Variants in KIAA1210 observed in about 807,000 individuals in gnomAD.
KIAA1210 encodes KIAA1210, also known as acrosomal protein KIAA1210.
In KIAA1210, 48 loss-of-function variants were observed where a neutral mutation model predicts 78.9. That is an observed-to-expected ratio of 0.61 (90% CI 0.48 to 0.77). The LOEUF (loss-of-function observed/expected upper bound fraction) is 0.77, where lower values mean the gene tolerates loss of function less well. KIAA1210 is among the 30% of genes least tolerant of loss of function. The pLI is 0.00. For synonymous variants in KIAA1210, 406 were observed against 404.5 expected (o/e 1.00, Z -0.04); for missense variants, 1,108 against 1,100.0 (o/e 1.01, Z -0.10).
At chrX:119,135,197 T>C (rs1928883998) in intron 2 of KIAA1210, among the ~76,000 whole-genome samples, 1 of 111,808 alleles carries the variant, frequency 8.9e-6, no homozygotes, top group Admixed American at 9.5e-5. Flanking sequence ...CTCTTCTCCT[T>C]CCTCACTTGG....
intron 5 of KIAA1210, 136 bp downstream of exon 5, chrX:119,108,201 G>A (rs1192651365): frequency 1.8e-6 from 1 of 542,016 alleles, no homozygotes; most frequent in Non-Finnish European, 3.0e-6. Context: ...CACTGTAGAT[G>A]AGGAAAAGAA....
rs749744368 is a variant in KIAA1210, at chrX:119,087,140, G to C, written c.3562C>G (p.His1188Asp). The change falls in exon 9 of 12, where the codon CAC becomes GAC. Residue 1188 changes from histidine to aspartate, a missense_variant. Around this residue, in one of 5 missense-constraint regions of KIAA1210, gnomAD observed 245 missense variants for 278.8 expected, o/e 0.88. Coordinates refer to ENST00000691062, the MANE Select transcript of KIAA1210 (RefSeq NM_001394962.1). ...TGGAAAGGACTACTTGAAGGCAGGTGCTTCTCACCGCTGCTCTGCTTTACA... is the reference window on the plus strand; with the variant it reads ...TGGAAAGGACTACTTGAAGGCAGGTCCTTCTCACCGCTGCTCTGCTTTACA... ...VPVKQSSGEKHLPSSSPFQQQ... is the reference protein window; with the variant it reads ...VPVKQSSGEKDLPSSSPFQQQ... 2.5e-6 allele frequency: 3 copies of C among 1,211,310 alleles called. No homozygotes were observed. Among genetic ancestry groups the C allele is most frequent in the Non-Finnish European group, 3.4e-6 (3 of 895,128 alleles).
intron 3 of KIAA1210, among the ~76,000 whole-genome samples, chrX:119,110,425 A>T (rs900936029): frequency 8.9e-6 from 1 of 111,797 alleles, no homozygotes; most frequent in African/African-American, 3.2e-5. Flanking sequence ...GACAAGGATG[A>T]CTGCTTTTAT....
intron 5 of KIAA1210, among the ~76,000 whole-genome samples, chrX:119,105,984 T>C (rs1455864): frequency 0.049 from 5,499 of 111,590 alleles, 360 homozygotes; most frequent in African/African-American, 0.17. Context: ...CAAATTCTTG[T>C]GGTCATGAAG....
intron 2 of KIAA1210, among the ~76,000 whole-genome samples, chrX:119,145,592 G>A (rs968774262): frequency 6.3e-5 from 7 of 111,167 alleles, no homozygotes; most frequent in Admixed American, 5.7e-4. Context: ...AGCAGGAGGT[G>A]AGTGGCAGGT....
intron 1 of KIAA1210, among the ~76,000 whole-genome samples, chrX:119,149,636 T>A (rs1266633669): frequency 3.6e-5 from 4 of 112,269 alleles, no homozygotes; most frequent in Non-Finnish European, 7.5e-5. Flanking sequence ...TTGGTTAATA[T>A]CTTCTTCCTT....
At chrX:119,120,117 T>C (rs1204735573) in intron 2 of KIAA1210, among the ~76,000 whole-genome samples, 1 of 111,634 alleles carries the variant, frequency 9.0e-6, no homozygotes, top group Non-Finnish European at 1.9e-5. Flanking sequence ...TGCAGTGAGC[T>C]ATGACAATGC....
At chrX:119,100,179 A>G (rs1386547003) in intron 6 of KIAA1210, among the ~76,000 whole-genome samples, 2 of 109,520 alleles carry the variant, frequency 1.8e-5, no homozygotes, top group Non-Finnish European at 3.8e-5. Flanking sequence ...ACACAAAAAA[A>G]AATAGCCGGG....
chrX:119,110,338 G>A (rs1928031779), intron 3 of KIAA1210, among the ~76,000 whole-genome samples: 1 of 112,046 alleles, frequency 8.9e-6, no homozygotes, highest in Admixed American at 9.4e-5. Context: ...ACTCAATCTT[G>A]ATAGAAGATA....
In KIAA1210 at chrX:119,088,611, C is replaced by G. The variant is rs368120366; in HGVS notation, c.2091G>C (p.Leu697=). ...SDDCSSSEED[L]PLRHPAQALG... The stretch of plus-strand genomic sequence containing the variant: ...AGGCCTGAGCAGGGTGTCTGAGAGG[C>G]AGGTCTTCCTCTGAGCTGCTGCAAT... Residue 697 remains leucine (L), a synonymous_variant, in exon 9 of 12, where the codon CTG becomes CTC. Coordinates refer to ENST00000691062, the MANE Select transcript of KIAA1210 (RefSeq NM_001394962.1). 2.4e-5 allele frequency: 29 copies of G among 1,209,876 alleles called. 1 individual carries two copies. The highest frequency in any genetic ancestry group is 1.9e-4 in the African/African-American group (11 of 57,224).
chrX:119,104,612 G>A (rs755351276), intron 6 of KIAA1210, among the ~76,000 whole-genome samples: 49 of 111,595 alleles, frequency 4.4e-4, no homozygotes, highest in Non-Finnish European at 7.2e-4. Context: ...GCCCTCTCAC[G>A]TGTCAACTGA....
At position 119,087,280 on chromosome X, in the gene KIAA1210, G is replaced by C; in HGVS notation, c.3422C>G (p.Ser1141Cys). 8.3e-7 allele frequency: 1 copy of C among 1,211,240 alleles called. No individual in the cohort carries two copies. Among genetic ancestry groups the C allele is most frequent in the Admixed American group, 2.2e-5 (1 of 45,991 alleles). ...EQKVSPVSAS[S>C]PKEWRNSKKQ... ...TTTAGAATTCCTCCACTCTTTAGGAGAACTGGCAGAAACAGGGGAGACTTT... is the reference window on the plus strand; with the variant it reads ...TTTAGAATTCCTCCACTCTTTAGGACAACTGGCAGAAACAGGGGAGACTTT... The change falls in exon 9 of 12, where the codon TCT becomes TGT. Residue 1141 changes from serine (S) to cysteine (C), a missense_variant. Transcript: ENST00000691062.
chrX:119,116,482 G>A lies in KIAA1210; in HGVS notation c.230+14C>T, dbSNP rs375899714. ...TCCCCTGTCCCCATCACTCTCCACC[G>A]CATCTGAGCTCACCTGGCCTTAGTT... On this transcript the variant is annotated intron_variant, in intron 3 of 11. Transcript: ENST00000691062. 36 of 1,204,375 alleles carry A rather than the reference G, an allele frequency of 3.0e-5. No homozygotes were observed. The highest frequency in any genetic ancestry group is 3.0e-4 in the East Asian group (10 of 33,671).
chrX:119,150,875 G>A (rs144340610), upstream of KIAA1210, among the ~76,000 whole-genome samples: 1,091 of 112,634 alleles, frequency 9.7e-3, 15 homozygotes, highest in African/African-American at 0.033. Flanking sequence ...GCCGGCTGGC[G>A]TTCTGCCACC....
At chrX:119,100,324 TC>T (rs1927696247) in intron 6 of KIAA1210, among the ~76,000 whole-genome samples, 2 of 64,181 alleles carry the variant, frequency 3.1e-5, no homozygotes, top group Non-Finnish European at 2.6e-5. Context: ...AGCAAGACTG[TC>T]TTTAAAAAAA....
rs138101115 is a variant in KIAA1210, at chrX:119,107,166, G to A, written c.492+1171C>T. Among the ~76,000 whole-genome samples the A allele has an allele frequency of 2.8e-3, 320 of 112,988 alleles. 2 individuals are homozygous for A. The highest frequency in any genetic ancestry group is 9.7e-3 in the African/African-American group (303 of 31,143). On this transcript the variant is annotated intron_variant, in intron 5 of 11. Transcript: ENST00000691062. ...CTAAGGGATCAGGCCAAAAGTGTGA[G>A]GTATAGGCCCAAGCCAAACATTTAA...
In KIAA1210 at chrX:119,149,025, G is replaced by A. The variant is rs775689606; in HGVS notation, c.289+1266C>T. ...CTATGAAACCTCCTTGTGTTGGGGG[G>A]AGGTGGGGGTGTTAGGGGGATGGAG... On this transcript the variant is annotated intron_variant, in intron 1 of 13. Transcript: ENST00000402510. Among the ~76,000 whole-genome samples the A allele has an allele frequency of 1.1e-4, 12 of 106,824 alleles. No homozygotes were observed. The South Asian group carries it at 4.9e-3, about 44-fold the overall frequency. The allele number at this position is 106,824 out of a possible 115,157, so 92.8% of individuals were successfully genotyped here.
intron 6 of KIAA1210, among the ~76,000 whole-genome samples, chrX:119,100,237 G>A (rs1262542873): frequency 1.9e-5 from 2 of 107,287 alleles, no homozygotes; most frequent in Non-Finnish European, 3.8e-5. Context: ...GACTGAGGCA[G>A]GAGAGTTGCT....
At chrX:119,121,252 G>C (rs1431176559) in intron 2 of KIAA1210, among the ~76,000 whole-genome samples, 2 of 111,921 alleles carry the variant, frequency 1.8e-5, no homozygotes, top group Admixed American at 9.5e-5. Flanking sequence ...TCCACAGGCT[G>C]TTTTTCAAAA....
Sources: gnomAD v4.1 joint callset for allele counts (sites outside exome capture counted in the v4.1 genomes callset) on GRCh38, gnomAD v4.1.1 for gene constraint, gnomAD v4.1.1 regional missense constraint, MANE v1.5 for transcripts, NCBI Gene and HGNC (gene_info 2026-07-23, HGNC 2026-07-21) for gene names.